PLA2G4A: variants seen among roughly 807,000 people sequenced by gnomAD.
The protein encoded by PLA2G4A is phospholipase A2 group IVA, also known as cytosolic phospholipase A2.
PLA2G4A carries 40 observed loss-of-function variants against 81.9 expected under a neutral mutation model. The ratio of observed to expected loss-of-function variants is 0.49; its 90% CI spans 0.38 to 0.64. PLA2G4A has a LOEUF of 0.64. PLA2G4A is among the 30% of genes least tolerant of loss of function. The pLI, the probability that PLA2G4A is intolerant of heterozygous loss-of-function variation, is 0.00. For missense variants in PLA2G4A, 715 were observed against 905.1 expected (o/e 0.79, Z 2.69); for synonymous variants, 302 against 296.9 (o/e 1.02, Z -0.18).
At chr1:186,861,368 C>T (rs1190806109) in intron 2 of PLA2G4A, among the ~76,000 whole-genome samples, 1 of 152,154 alleles carries the variant, frequency 6.6e-6, no homozygotes, top group Non-Finnish European at 1.5e-5. Flanking sequence ...TCAGCAAATG[C>T]CCCTATGGCA....
chr1:186,955,230 A>T (rs1019544945), intron 13 of PLA2G4A, among the ~76,000 whole-genome samples: 2 of 152,240 alleles, frequency 1.3e-5, no homozygotes, highest in African/African-American at 4.8e-5. Flanking sequence ...AAGGCTTTTA[A>T]ATCCCCAAAC....
intron 7 of PLA2G4A, among the ~76,000 whole-genome samples, chr1:186,928,293 C>T (rs983605820): frequency 3.9e-5 from 6 of 152,122 alleles, no homozygotes; most frequent in Non-Finnish European, 7.4e-5. Context: ...GCAAATGTCC[C>T]ATATCAGAAG....
intron 6 of PLA2G4A, among the ~76,000 whole-genome samples, chr1:186,909,131 G>A: frequency 6.7e-6 from 1 of 150,222 alleles, no homozygotes. Context: ...CAGCCACCAC[G>A]CCCGGCTAAT....
chr1:186,886,367 A>G (rs1653938489), intron 3 of PLA2G4A, among the ~76,000 whole-genome samples: 1 of 152,144 alleles, frequency 6.6e-6, no homozygotes, highest in Non-Finnish European at 1.5e-5. Flanking sequence ...TGCTGGGTCT[A>G]TTGGTTACAC....
At chr1:186,986,479 AAAG>A (rs1657895733) in intron 17 of PLA2G4A, among the ~76,000 whole-genome samples, 2 of 152,308 alleles carry the variant, frequency 1.3e-5, no homozygotes, top group South Asian at 2.1e-4. Context: ...GAGATTTTTA[AAAG>A]AAGATGTAGT....
chr1:186,864,726 G>C (rs558086393), intron 2 of PLA2G4A, among the ~76,000 whole-genome samples: 1 of 151,242 alleles, frequency 6.6e-6, no homozygotes, highest in African/African-American at 2.4e-5. Context: ...CTATACTCGT[G>C]ATTAAAAGAG....
intron 7 of PLA2G4A, among the ~76,000 whole-genome samples, chr1:186,924,378 T>C (rs1287101915): frequency 6.6e-6 from 1 of 152,202 alleles, no homozygotes; most frequent in Non-Finnish European, 1.5e-5. Flanking sequence ...TTGCCCTATC[T>C]TACCTAACCT....
chr1:186,895,983 C>A (rs964563944), intron 5 of PLA2G4A, among the ~76,000 whole-genome samples: 1 of 151,052 alleles, frequency 6.6e-6, no homozygotes, highest in Non-Finnish European at 1.5e-5. Flanking sequence ...ATAATACATG[C>A]ATATGATAAT....
At chr1:186,926,595 G>A (rs559595238) in intron 7 of PLA2G4A, among the ~76,000 whole-genome samples, 1 of 152,196 alleles carries the variant, frequency 6.6e-6, no homozygotes, top group African/African-American at 2.4e-5. Flanking sequence ...CTTAATGTAT[G>A]GAAGAGTGGG....
At chr1:186,893,987 C>G (rs867546912) in intron 4 of PLA2G4A, 111 bp from the exon 5 acceptor site, 2 of 694,584 alleles carry the variant, frequency 2.9e-6, no homozygotes, top group African/African-American at 1.8e-5. Flanking sequence ...TTCAAGGACT[C>G]TTAAATATCA....
chr1:186,882,935 A>C (rs1653792727), intron 3 of PLA2G4A, among the ~76,000 whole-genome samples: 1 of 152,150 alleles, frequency 6.6e-6, no homozygotes, highest in Admixed American at 6.6e-5. Flanking sequence ...GTTAGAAAAG[A>C]TGACATCATT....
At position 186,915,138 on chromosome 1, in the gene PLA2G4A, C is replaced by T. The variant is rs147818354; in HGVS notation, c.558+3749C>T. Among the ~76,000 whole-genome samples the T allele has an allele frequency of 2.7e-3, 414 of 152,220 alleles. 3 individuals are homozygous for T. The highest frequency in any genetic ancestry group is 9.5e-3 in the African/African-American group (394 of 41,512). On this transcript the variant is annotated intron_variant, in intron 7 of 17. Transcript: ENST00000367466. ...GGATCAAATCCATGCCACACTTGCA[C>T]GGGCATGTGTGCCAGTTTTGTCATA...
intron 14 of PLA2G4A, among the ~76,000 whole-genome samples, chr1:186,963,664 C>A (rs1557894521): frequency 6.6e-6 from 1 of 152,134 alleles, no homozygotes; most frequent in African/African-American, 2.4e-5. Flanking sequence ...AAAATTTATT[C>A]TTCTTTATTT....
chr1:186,874,799 C>T (rs1036469797), intron 3 of PLA2G4A, among the ~76,000 whole-genome samples: 2 of 152,120 alleles, frequency 1.3e-5, no homozygotes, highest in Non-Finnish European at 2.9e-5. Context: ...TTTATAAGAT[C>T]GTATTAATAT....
intron 7 of PLA2G4A, among the ~76,000 whole-genome samples, chr1:186,924,866 A>T (rs1218570024): frequency 6.6e-6 from 1 of 152,156 alleles, no homozygotes; most frequent in East Asian, 1.9e-4. Context: ...CCCAGCCAAC[A>T]TGGTGAAAAC....
intron 17 of PLA2G4A, among the ~76,000 whole-genome samples, chr1:186,980,960 C>T (rs1657701031): frequency 6.6e-6 from 1 of 151,946 alleles, no homozygotes; most frequent in African/African-American, 2.4e-5. Flanking sequence ...AAGCAGTGGA[C>T]ATCTGAAATC....
intron 3 of PLA2G4A, among the ~76,000 whole-genome samples, chr1:186,881,644 A>ACT (rs1382106033): frequency 6.6e-6 from 1 of 152,108 alleles, no homozygotes; most frequent in African/African-American, 2.4e-5. Context: ...TTTTTTTAAT[A>ACT]TAAAATTAAT....
chr1:186,981,410 G>A (rs1444989589), intron 17 of PLA2G4A, among the ~76,000 whole-genome samples: 1 of 152,138 alleles, frequency 6.6e-6, no homozygotes, highest in African/African-American at 2.4e-5. Context: ...AAAGTAGTTT[G>A]TTTGACACAT....
At chr1:186,829,732 A>C (rs1195031034) in intron 1 of PLA2G4A, among the ~76,000 whole-genome samples, 1 of 151,636 alleles carries the variant, frequency 6.6e-6, no homozygotes, top group African/African-American at 2.4e-5. Flanking sequence ...TCCAAAAAAA[A>C]CAGAAAAAAA....
Sources: allele counts gnomAD v4.1 joint callset (sites outside exome capture counted in the v4.1 genomes callset), GRCh38; gene constraint gnomAD v4.1.1; transcripts MANE v1.5; gene names NCBI Gene and HGNC (gene_info 2026-07-23, HGNC 2026-07-21).